Variants in SERPINE3 observed in about 807,000 individuals in gnomAD.
The protein encoded by SERPINE3 is serpin family E member 3, also known as serpin E3.
In SERPINE3, 43 loss-of-function variants were observed where a neutral mutation model predicts 41.7. The ratio of observed to expected loss-of-function variants is 1.03; its 90% CI spans 0.81 to 1.33. SERPINE3 has a LOEUF of 1.33. Ranked by LOEUF, SERPINE3 falls within the 40% of genes most tolerant of loss-of-function variation. The pLI is 0.00. For missense variants in SERPINE3, 440 were observed against 491.7 expected, an observed-to-expected ratio of 0.89 and a Z score of 0.99; for synonymous variants, 200 against 192.2, an observed-to-expected ratio of 1.04 and a Z score of -0.34.
At chr13:51,356,750 T>G (rs1250588230) in intron 7 of SERPINE3, among the ~76,000 whole-genome samples, 2 of 151,326 alleles carry the variant, frequency 1.3e-5, no homozygotes, top group African/African-American at 4.9e-5. Context: ...ATAAATAACC[T>G]AGTTTTAAAA....
At chr13:51,340,979 AAAAACAGAGCTGG>A (rs1440550266) in intron 2 of SERPINE3, 83 bp from the exon 3 acceptor site, 4 of 1,299,832 alleles carry the variant, frequency 3.1e-6, no homozygotes, top group Non-Finnish European at 3.2e-6. Context: ...CCTAGCCCCT[AAAAACAGAGCTGG>A]GGGTCCCAGT....
intron 6 of SERPINE3, among the ~76,000 whole-genome samples, chr13:51,354,729 TA>T (rs1453309926): frequency 6.6e-6 from 1 of 152,200 alleles, no homozygotes; most frequent in Admixed American, 6.5e-5. Flanking sequence ...AATGGGGCTT[TA>T]AGAACCAAAG....
intron 6 of SERPINE3, among the ~76,000 whole-genome samples, chr13:51,353,861 A>G (rs1356190515): frequency 2.6e-5 from 4 of 152,156 alleles, no homozygotes; most frequent in African/African-American, 9.7e-5. Flanking sequence ...AGACCATCTA[A>G]TTTCCATTTT....
At chr13:51,354,903 C>T (rs929647562) in intron 6 of SERPINE3, 140 bp from the exon 7 acceptor site, 35 of 616,222 alleles carry the variant, frequency 5.7e-5, no homozygotes, top group Admixed American at 1.1e-4. Context: ...TATGGGAAGG[C>T]GCCATGGAAG....
chr13:51,342,178 C>CAAAAAAAAAAAA (rs869298134), intron 3 of SERPINE3, among the ~76,000 whole-genome samples: 11 of 63,464 alleles, frequency 1.7e-4, no homozygotes, highest in East Asian at 1.1e-3. Flanking sequence ...AAAGACAGAA[C>CAAAAAAAAAAAA]AAAAAAAAAA....
chr13:51,363,105 A>C (rs1028005149), intron 9 of SERPINE3: 1 of 151,996 alleles, frequency 6.6e-6, no homozygotes, highest in African/African-American at 2.4e-5. Context: ...TTGAACAGAA[A>C]GGTCATTGCC....
intron 4 of SERPINE3, among the ~76,000 whole-genome samples, 186 bp downstream of exon 4, chr13:51,344,671 C>T (rs1955328964): frequency 6.6e-6 from 1 of 152,064 alleles, no homozygotes; most frequent in Non-Finnish European, 1.5e-5. Context: ...TCTCTTCCTG[C>T]TCTGACCCTC....
At chr13:51,344,847 A>G (rs887319024) in intron 4 of SERPINE3, among the ~76,000 whole-genome samples, 1 of 151,992 alleles carries the variant, frequency 6.6e-6, no homozygotes, top group Non-Finnish European at 1.5e-5. Flanking sequence ...ATAATAAACC[A>G]CCTGTGATGG....
chr13:51,344,692 A>G (rs531839376), intron 4 of SERPINE3, among the ~76,000 whole-genome samples: 71 of 151,898 alleles, frequency 4.7e-4, no homozygotes, highest in African/African-American at 1.4e-3. Context: ...TCCCACACAA[A>G]TATACACATG....
Position 51,348,286 on chromosome 13 carries a change from G to C in SERPINE3, c.774G>C (p.Leu258=). 6.2e-7 allele frequency: 1 copy of C among 1,611,682 alleles called. No individual in the cohort carries two copies. The highest frequency in any genetic ancestry group is 1.1e-5 in the South Asian group (1 of 90,240). Residue 258 remains leucine, a synonymous_variant, in exon 6 of 10, where the codon CTG becomes CTC. Transcript: ENST00000681248. ...CTTACCTGGGAAGTGCAGTGAGTCT[G>C]TTCCTGGTGCTGCCCCGTGACAAAG... ...ELPYLGSAVS[L]FLVLPRDKDT... is the part of the protein sequence containing the mutation.
At chr13:51,342,055 C>A (rs1463387897) in intron 3 of SERPINE3, among the ~76,000 whole-genome samples, 1 of 152,088 alleles carries the variant, frequency 6.6e-6, no homozygotes, top group Non-Finnish European at 1.5e-5. Context: ...TCTGCTTACG[C>A]TCAGTGCCTC....
At chr13:51,346,657 C>T (rs1031152354) in intron 4 of SERPINE3, among the ~76,000 whole-genome samples, 6 of 152,216 alleles carry the variant, frequency 3.9e-5, no homozygotes, top group African/African-American at 1.2e-4. Flanking sequence ...CCCTCATCCC[C>T]CAGCAGGGGT....
At chr13:51,350,002 G>A (rs1332198277) in intron 6 of SERPINE3, among the ~76,000 whole-genome samples, 2 of 152,112 alleles carry the variant, frequency 1.3e-5, no homozygotes, top group Non-Finnish European at 2.9e-5. Flanking sequence ...TCTAGATTTA[G>A]GTATAAACTT....
intron 8 of SERPINE3, 56 bp from the exon 9 acceptor site, chr13:51,361,754 T>C (rs1429544161): frequency 1.0e-5 from 15 of 1,454,582 alleles, no homozygotes; most frequent in African/African-American, 1.4e-5. Flanking sequence ...TAACCAATAG[T>C]TATTTTCTTA....
chr13:51,364,051 C>T (rs1197786590), intron 9 of SERPINE3, 188 bp from the exon 10 acceptor site: 4 of 374,930 alleles, frequency 1.1e-5, no homozygotes, highest in Middle Eastern at 1.4e-3. Flanking sequence ...TAGGAACAGA[C>T]AATATATTCT....
intron 1 of SERPINE3, among the ~76,000 whole-genome samples, chr13:51,340,377 T>C (rs1955277842): frequency 6.6e-6 from 1 of 152,238 alleles, no homozygotes. Context: ...GAAAATATTC[T>C]TTTTTAGAGA....
rs1271681386 is a variant in SERPINE3, at chr13:51,344,237, A to G, written c.257-15A>G. The stretch of plus-strand genomic sequence containing the variant: ...CACTCACCATTGTCAACTTATCCCA[A>G]CTTGTTTTTCACAGACAAAAGGGTG... On this transcript the variant is annotated splice_polypyrimidine_tract_variant and intron_variant, in intron 3 of 9. Transcript: ENST00000681248. 1 of 1,605,518 alleles carries G rather than the reference A, an allele frequency of 6.2e-7. No homozygotes were observed. Among genetic ancestry groups the G allele is most frequent in the Non-Finnish European group, 8.5e-7 (1 of 1,172,640 alleles).
Position 51,355,123 on chromosome 13 carries a change from C to G in SERPINE3, c.980C>G (p.Ala327Gly), listed in dbSNP as rs1340151775. Residue 327 changes from alanine to glycine, a missense_variant, in exon 7 of 10, where the codon GCT becomes GGT. Coordinates refer to ENST00000681248, the MANE Select transcript of SERPINE3 (RefSeq NM_001386375.1). ...ACCGATCTTTTTGATCCACTCAAAG[C>G]TAACTTGAAAGGAATTTCAGGTAAA... ...GVTDLFDPLK[A>G]NLKGISGQDG... is the part of the protein sequence containing the mutation. 5 of 1,535,966 alleles carry G rather than the reference C, an allele frequency of 3.3e-6. No homozygotes were observed. The South Asian group carries it at 6.0e-5, about 18-fold the overall frequency.
Position 51,347,044 on chromosome 13 carries a change from C to T in SERPINE3, c.510C>T (p.Gly170=). 6.3e-7 allele frequency: 1 copy of T among 1,586,760 alleles called. No individual in the cohort carries two copies. The highest frequency in any genetic ancestry group is 1.1e-5 in the South Asian group (1 of 86,970). ...TTGCAGGTGGGGGCCCCAGTGAGGG[C>T]CCTGGTGGCTGGCCGTGGGAGCAAG... is the stretch of plus-strand genomic sequence containing the variant. The part of the protein sequence containing the change: ...RETAGGGPSE[G]PGGWPWEQVS... Residue 170 remains glycine, a synonymous_variant, in exon 5 of 10, where the codon GGC becomes GGT. Coordinates refer to ENST00000681248, the MANE Select transcript of SERPINE3 (RefSeq NM_001386375.1).
Sources: gnomAD v4.1 joint callset for allele counts (sites outside exome capture counted in the v4.1 genomes callset) on GRCh38, gnomAD v4.1.1 for gene constraint, MANE v1.5 for transcripts, NCBI Gene and HGNC (gene_info 2026-07-23, HGNC 2026-07-21) for gene names.